The following CATSPERE variants were observed in gnomAD, a reference collection of about 807,000 sequenced individuals.
CATSPERE encodes cation channel sperm-associated auxiliary subunit epsilon.
A neutral mutation model predicts 114.1 loss-of-function variants in CATSPERE; 93 were observed. The observed-to-expected ratio is 0.81, with a 90% CI of 0.69 to 0.97. CATSPERE has a LOEUF of 0.97. Ranked by LOEUF, CATSPERE falls within the 50% of genes least tolerant of loss-of-function variation. The pLI is 0.00. For missense variants in CATSPERE, 1,058 were observed against 1,131.6 expected (o/e 0.93, Z 0.93); for synonymous variants, 341 against 384.1 (o/e 0.89, Z 1.31).
intron 7 of CATSPERE, among the ~76,000 whole-genome samples, chr1:244,506,668 T>G (rs544453300): frequency 9.2e-5 from 14 of 152,296 alleles, no homozygotes; most frequent in Admixed American, 3.3e-4. Flanking sequence ...ATTTTGGGGG[T>G]ATATGTGATA....
Position 244,479,726 on chromosome 1 carries a change from G to C in CATSPERE, c.268G>C (p.Glu90Gln). 1 of 1,596,886 alleles carries C rather than the reference G, an allele frequency of 6.3e-7. No homozygotes were observed. The highest frequency in any genetic ancestry group is 8.6e-7 in the Non-Finnish European group (1 of 1,168,576). The change falls in exon 5 of 22, where the codon GAA becomes CAA. Residue 90 changes from glutamate to glutamine, a missense_variant. This residue lies in a region of CATSPERE where 271 missense variants were observed against 225.9 expected (regional missense o/e 1.20). Transcript: ENST00000366534. ...TTGCATTTTCTTTTAGGATGAAGAA[G>C]AACGCTATTTATTTGTGGAAAGTTC... ...KPIVTGPDEE[E>Q]RYLFVESSHT...
chr1:244,553,186 C>T (rs1442108628), intron 9 of CATSPERE, among the ~76,000 whole-genome samples: 10 of 152,092 alleles, frequency 6.6e-5, no homozygotes, highest in African/African-American at 1.9e-4. Flanking sequence ...TCAGGGTCTT[C>T]GGGGTATCCG....
chr1:244,606,868 C>T (rs1255234686), intron 18 of CATSPERE, among the ~76,000 whole-genome samples: 1 of 152,146 alleles, frequency 6.6e-6, no homozygotes, highest in Non-Finnish European at 1.5e-5. Flanking sequence ...TCGCAAAGTA[C>T]TGGGGTTACA....
At chr1:244,567,036 G>T (rs1041428545) in intron 10 of CATSPERE, among the ~76,000 whole-genome samples, 1 of 152,074 alleles carries the variant, frequency 6.6e-6, no homozygotes, top group African/African-American at 2.4e-5. Context: ...TGTAAGGCAG[G>T]CCTGGTGGTG....
rs1287734583 is a variant in CATSPERE at position 244,552,932 on chromosome 1, T to C, written c.1029+118T>C. The C allele has an allele frequency of 1.3e-5, 6 of 462,970 alleles. No individual in the cohort carries two copies. In the Admixed American group the frequency reaches 2.9e-4, roughly 22 times the overall value. 28.7% of individuals were successfully genotyped at this position (462,970 alleles called of 1,614,324 possible). ...TATGCAGCTCTTTGCCCAGTTGTTT[T>C]ATCTAAGGCTGTAAACAGCTCTAAC... On this transcript the variant is annotated intron_variant, in intron 9 of 21. Transcript: ENST00000366534.
In CATSPERE at chr1:244,477,906, C is replaced by A; in HGVS notation, c.189C>A (p.Ser63Arg). 1 of 1,601,758 alleles carries A rather than the reference C, an allele frequency of 6.2e-7. No homozygotes were observed. The highest frequency in any genetic ancestry group is 8.5e-7 in the Non-Finnish European group (1 of 1,170,284). The part of the protein sequence containing the change: ...VPETCFVLNK[S>R]SPTTELRCSS... ...TCTTTCTCATCTTTTTAAACACTAGCTCACCCACGACAGAATTGCGTTGTT... is the reference window on the plus strand; with the variant it reads ...TCTTTCTCATCTTTTTAAACACTAGATCACCCACGACAGAATTGCGTTGTT... The change falls in exon 4 of 22, where the codon AGC becomes AGA. Residue 63 changes from serine (S) to arginine (R), a missense_variant and splice_region_variant. Physicochemically the swap from Ser to Arg is moderately radical, Grantham distance 110. This residue lies in a region of CATSPERE where 271 missense variants were observed against 225.9 expected (regional missense o/e 1.20). Coordinates refer to ENST00000366534, the MANE Select transcript of CATSPERE (RefSeq NM_001130957.2).
chr1:244,620,290 A>G (rs1367380039), intron 20 of CATSPERE, among the ~76,000 whole-genome samples: 1 of 152,216 alleles, frequency 6.6e-6, no homozygotes, highest in Non-Finnish European at 1.5e-5. Context: ...GGTAGAAAAA[A>G]TGGGTGCTGT....
Position 244,572,383 on chromosome 1 carries a change from A to C in CATSPERE, c.1561A>C (p.Lys521Gln), listed in dbSNP as rs1463941619. The C allele has an allele frequency of 6.5e-7, 1 of 1,539,878 alleles. No homozygotes were observed. The highest frequency in any genetic ancestry group is 1.7e-5 in the Admixed American group (1 of 58,734). Residue 521 changes from lysine to glutamine, a missense_variant, in exon 11 of 22, where the codon AAG (lysine) becomes CAG (glutamine). Physicochemically the swap from Lys to Gln is moderately conservative, Grantham distance 53. Transcript: ENST00000366534. Reference protein sequence around the residue: ...KMENNVIFYSKINTRDAVKLH... With the variant: ...KMENNVIFYSQINTRDAVKLH... Reference sequence around the variant, plus strand: ...GGAAAATAATGTAATATTTTATTCCAAGATTAATACTAGAGATGCAGTAAA... The same window carrying C: ...GGAAAATAATGTAATATTTTATTCCCAGATTAATACTAGAGATGCAGTAAA...
intron 8 of CATSPERE, among the ~76,000 whole-genome samples, chr1:244,536,266 G>A (rs1247440915): frequency 1.3e-5 from 2 of 152,028 alleles, no homozygotes; most frequent in African/African-American, 2.4e-5. Context: ...ACCCAGGGTA[G>A]TGTCTCACTA....
chr1:244,551,925 G>A (rs552321079), intron 8 of CATSPERE, among the ~76,000 whole-genome samples: 37 of 151,822 alleles, frequency 2.4e-4, no homozygotes, highest in Non-Finnish European at 4.4e-4. Context: ...TTAGCCAGGC[G>A]TGGTGGTGGG....
intron 10 of CATSPERE, among the ~76,000 whole-genome samples, chr1:244,563,267 T>C (rs1431807163): frequency 6.6e-6 from 1 of 152,272 alleles, no homozygotes; most frequent in Non-Finnish European, 1.5e-5. Context: ...TATAATACTT[T>C]GGGTATACAC....
intron 2 of CATSPERE, among the ~76,000 whole-genome samples, chr1:244,477,196 A>G (rs1298299910): frequency 1.3e-5 from 2 of 152,104 alleles, no homozygotes; most frequent in African/African-American, 2.4e-5. Flanking sequence ...GGGTTTCACC[A>G]TGTTGGCCAG....
At position 244,552,683 on chromosome 1, in the gene CATSPERE, C is replaced by G. The variant is rs752948952; in HGVS notation, c.898C>G (p.Leu300Val). 2.5e-6 allele frequency: 4 copies of G among 1,613,914 alleles called. No homozygotes were observed. Among genetic ancestry groups the G allele is most frequent in the Middle Eastern group, 1.6e-4 (1 of 6,062 alleles). Residue 300 changes from leucine to valine, a missense_variant, in exon 9 of 22, where the codon CTT becomes GTT. Leu to Val is a conservative substitution (Grantham distance 32). Transcript: ENST00000366534. ...VILSRDGIVF[L>V]INGVLYIKSF... Reference sequence around the variant, plus strand: ...CTTATCGCGGGATGGAATCGTTTTTCTTATAAATGGTGTTCTTTACATAAA... The same window carrying G: ...CTTATCGCGGGATGGAATCGTTTTTGTTATAAATGGTGTTCTTTACATAAA...
chr1:244,558,926 CA>C (rs1466739079), intron 9 of CATSPERE, among the ~76,000 whole-genome samples: 5 of 152,190 alleles, frequency 3.3e-5, no homozygotes, highest in Non-Finnish European at 7.3e-5. Context: ...GCTGAGAATC[CA>C]GAGTGTGGAT....
intron 8 of CATSPERE, among the ~76,000 whole-genome samples, chr1:244,538,427 C>A (rs1038582763): frequency 2.0e-5 from 3 of 152,108 alleles, no homozygotes; most frequent in Non-Finnish European, 4.4e-5. Context: ...TAAGTAAGTG[C>A]TTATAGAAGA....
At position 244,499,062 on chromosome 1, in the gene CATSPERE, G is replaced by A. The variant is rs1307589732; in HGVS notation, c.412G>A (p.Ala138Thr). 2 of 1,610,954 alleles carry A rather than the reference G, an allele frequency of 1.2e-6. No individual in the cohort carries two copies. Among genetic ancestry groups the A allele is most frequent in the Non-Finnish European group, 1.7e-6 (2 of 1,177,332 alleles). The change falls in exon 7 of 22, where the codon GCA becomes ACA. Residue 138 changes from alanine to threonine, a missense_variant. This residue lies in a region of CATSPERE where 271 missense variants were observed against 225.9 expected (regional missense o/e 1.20). Transcript: ENST00000366534. ...AGATCCTGATGAGTTGCTGGGGAAT[G>A]CAGAAGAACCTTCAATAGTAGGTGG... ...SADPDELLGN[A>T]EEPSINSIVL...
rs902706813 is a variant in CATSPERE, at chr1:244,573,029, CT to C, written c.1950+268del. On this transcript the variant is annotated intron_variant, in intron 11 of 21. Transcript: ENST00000366534. This position sits in a 1 kb window ranked among gnomAD's most constrained non-coding sequence, Gnocchi z 4.0. ...TCAATTGTATTGTTCACTTCTTCTTCTTTTTTTTTTTAATGCATGGCTTTCC... is the reference window on the plus strand; with the variant it reads ...TCAATTGTATTGTTCACTTCTTCTTCTTTTTTTTTTAATGCATGGCTTTCC... 1.6e-3 allele frequency among the ~76,000 whole-genome samples: 230 copies of C among 145,210 alleles called. No individual in the cohort carries two copies. The highest frequency in any genetic ancestry group is 2.7e-3 in the African/African-American group (106 of 39,960).
At chr1:244,591,061 A>G (rs957747363) in intron 14 of CATSPERE, among the ~76,000 whole-genome samples, 5 of 152,192 alleles carry the variant, frequency 3.3e-5, no homozygotes, top group African/African-American at 1.2e-4. Flanking sequence ...CACCAGCAAT[A>G]TATATGGGTC....
Position 244,565,060 on chromosome 1 carries a change from G to C in CATSPERE, c.1507+3915G>C, listed in dbSNP as rs141412523. On this transcript the variant is annotated intron_variant, in intron 10 of 21. Coordinates refer to ENST00000366534, the MANE Select transcript of CATSPERE (RefSeq NM_001130957.2). ...TGAGATGGATTACATTTATTGATTT[G>C]CATATATTGAACCAGCCTTGCATCC... Among the ~76,000 whole-genome samples the C allele has an allele frequency of 1.4e-3, 206 of 152,252 alleles. 2 individuals carry two copies. The highest frequency in any genetic ancestry group is 4.7e-3 in the African/African-American group (196 of 41,548).
Sources: allele counts gnomAD v4.1 joint callset (sites outside exome capture counted in the v4.1 genomes callset), GRCh38; gene constraint gnomAD v4.1.1; regional missense constraint gnomAD v4.1.1; non-coding constraint Gnocchi (gnomAD v3.1); transcripts MANE v1.5; gene names NCBI Gene and HGNC (gene_info 2026-07-23, HGNC 2026-07-21).